Variants in ZMAT4 observed in about 807,000 individuals in gnomAD.
ZMAT4 encodes zinc finger matrin-type protein 4.
A neutral mutation model predicts 28.7 loss-of-function variants in ZMAT4; 17 were observed. That is an observed-to-expected ratio of 0.59 (90% CI 0.41 to 0.89). The LOEUF (loss-of-function observed/expected upper bound fraction) is 0.89, where lower values mean the gene tolerates loss of function less well. Among genes scored for constraint, ZMAT4 ranks in the 40% least tolerant of loss-of-function variants. The pLI, the probability that ZMAT4 is intolerant of heterozygous loss-of-function variation, is 0.00. For synonymous variants in ZMAT4, 117 were observed against 109.2 expected (o/e 1.07, Z -0.44); for missense variants, 240 against 283.8 (o/e 0.85, Z 1.11).
At chr8:40,795,386 C>A (rs1176031184) in intron 2 of ZMAT4, among the ~76,000 whole-genome samples, 1 of 152,188 alleles carries the variant, frequency 6.6e-6, no homozygotes, top group East Asian at 1.9e-4. Context: ...AAAAGCTGTA[C>A]TGGATCCTTA....
intron 2 of ZMAT4, among the ~76,000 whole-genome samples, chr8:40,801,314 A>G (rs1390852305): frequency 7.0e-6 from 1 of 143,830 alleles, no homozygotes; most frequent in African/African-American, 2.7e-5. Flanking sequence ...CCAATTCTCT[A>G]TGGTGTCTTT....
At chr8:40,845,832 G>C (rs1816872621) in intron 1 of ZMAT4, among the ~76,000 whole-genome samples, 2 of 148,314 alleles carry the variant, frequency 1.3e-5, no homozygotes, top group African/African-American at 4.9e-5. Context: ...GGCAGGGAGG[G>C]TGAAAAATGT....
In ZMAT4 at chr8:40,887,200, G is replaced by A. The variant is rs28520889; in HGVS notation, c.-5+10483C>T. Among the ~76,000 whole-genome samples the A allele has an allele frequency of 0.015, 2,306 of 148,784 alleles. 89 individuals carry two copies. In the East Asian group the frequency reaches 0.16, roughly 10 times the overall value. Reference sequence around the variant, plus strand: ...AAAAAAAAAAAAAAAGCCGGTTTTGGCCAGGCACGGTGGCTCACGCCTGTA... The same window carrying A: ...AAAAAAAAAAAAAAAGCCGGTTTTGACCAGGCACGGTGGCTCACGCCTGTA... On this transcript the variant is annotated intron_variant, in intron 1 of 6. Coordinates refer to ENST00000297737, the MANE Select transcript of ZMAT4 (RefSeq NM_024645.3).
intron 4 of ZMAT4, among the ~76,000 whole-genome samples, chr8:40,682,692 T>C (rs1011252603): frequency 1.4e-4 from 21 of 152,240 alleles, no homozygotes; most frequent in African/African-American, 4.8e-4. Flanking sequence ...AATTCAATTA[T>C]GCATCAACCT....
At chr8:40,645,713 A>C (rs1396068124) in intron 5 of ZMAT4, among the ~76,000 whole-genome samples, 2 of 152,140 alleles carry the variant, frequency 1.3e-5, no homozygotes, top group Non-Finnish European at 1.5e-5. Context: ...TCATACAGAG[A>C]GGTGAGCTAA....
chr8:40,860,559 T>A (rs1307251204), intron 1 of ZMAT4, among the ~76,000 whole-genome samples: 1 of 152,200 alleles, frequency 6.6e-6, no homozygotes, highest in African/African-American at 2.4e-5. Flanking sequence ...AGGGTGAGAA[T>A]AGCACCCAGC....
chr8:40,649,679 A>G (rs1426803130), intron 5 of ZMAT4, among the ~76,000 whole-genome samples: 1 of 152,018 alleles, frequency 6.6e-6, no homozygotes, highest in Non-Finnish European at 1.5e-5. Flanking sequence ...TTGGAAGTAA[A>G]GCTCTCCTCA....
intron 1 of ZMAT4, among the ~76,000 whole-genome samples, chr8:40,883,759 G>C (rs573249550): frequency 6.6e-6 from 1 of 152,268 alleles, no homozygotes; most frequent in African/African-American, 2.4e-5. Flanking sequence ...ATTGCCACCT[G>C]TCTGACTTCT....
intron 5 of ZMAT4, among the ~76,000 whole-genome samples, chr8:40,627,311 A>G (rs1023305769): frequency 6.6e-6 from 1 of 152,218 alleles, no homozygotes; most frequent in Admixed American, 6.5e-5. Context: ...AGAACCAAAT[A>G]TATCTGTAGC....
chr8:40,669,180 C>A lies in ZMAT4; in HGVS notation c.577+5524G>T, dbSNP rs144977325. ...CTTGATGGAAGTGAGTGCATCTGAG[C>A]CAGTGCCAGATGACGAGGAAGAAGA... On this transcript the variant is annotated intron_variant, in intron 5 of 6. Coordinates refer to ENST00000297737, the MANE Select transcript of ZMAT4 (RefSeq NM_024645.3). Among the ~76,000 whole-genome samples the A allele has an allele frequency of 5.4e-3, 817 of 152,186 alleles. 7 individuals carry two copies. The highest frequency in any genetic ancestry group is 0.019 in the African/African-American group (786 of 41,534).
intron 1 of ZMAT4, among the ~76,000 whole-genome samples, chr8:40,877,746 G>A (rs1375598979): frequency 6.6e-6 from 1 of 152,186 alleles, no homozygotes; most frequent in East Asian, 1.9e-4. Flanking sequence ...GACAGAGAAA[G>A]ACGGAGAGAG....
chr8:40,815,185 G>T (rs1028728142), intron 2 of ZMAT4, among the ~76,000 whole-genome samples: 1 of 152,190 alleles, frequency 6.6e-6, no homozygotes, highest in African/African-American at 2.4e-5. Context: ...TGATGCAGGA[G>T]AATCTCTTGA....
intron 5 of ZMAT4, among the ~76,000 whole-genome samples, chr8:40,628,203 CA>C (rs942297892): frequency 1.3e-5 from 2 of 151,786 alleles, no homozygotes; most frequent in African/African-American, 4.8e-5. Context: ...CCCAAGGGTA[CA>C]AAGAAGAGAT....
chr8:40,656,623 A>C (rs529229869), intron 5 of ZMAT4, among the ~76,000 whole-genome samples: 1 of 152,320 alleles, frequency 6.6e-6, no homozygotes, highest in East Asian at 1.9e-4. Context: ...GTACTGATAC[A>C]TGCTACAAAA....
At chr8:40,823,096 T>C (rs1041012265) in intron 2 of ZMAT4, among the ~76,000 whole-genome samples, 3 of 152,134 alleles carry the variant, frequency 2.0e-5, no homozygotes, top group Non-Finnish European at 4.4e-5. Flanking sequence ...AGTCAGGCAG[T>C]GTGGGGCAGG....
At chr8:40,640,462 C>T (rs1479911564) in intron 5 of ZMAT4, among the ~76,000 whole-genome samples, 1 of 152,138 alleles carries the variant, frequency 6.6e-6, no homozygotes, top group Non-Finnish European at 1.5e-5. Flanking sequence ...GCATTGTTCT[C>T]ATCACAAATG....
intron 1 of ZMAT4, among the ~76,000 whole-genome samples, chr8:40,849,233 C>T (rs1452864278): frequency 6.6e-6 from 1 of 152,252 alleles, no homozygotes; most frequent in East Asian, 1.9e-4. Flanking sequence ...TCTGCACTGG[C>T]CTCAGGCCAC....
chr8:40,806,941 C>T (rs1024532275), intron 2 of ZMAT4, among the ~76,000 whole-genome samples: 1 of 151,854 alleles, frequency 6.6e-6, no homozygotes. Context: ...AGAAAACGCT[C>T]AGAAATAGCT....
In ZMAT4 at chr8:40,568,692, C is replaced by G. The variant is rs141782107; in HGVS notation, c.674+12473G>C. On this transcript the variant is annotated intron_variant, in intron 6 of 6. Transcript: ENST00000297737. Reference sequence around the variant, plus strand: ...GGGTAGGTACTTTTTATAACTATTACATTTCACAGATATGGAAACTAAGCC... The same window carrying G: ...GGGTAGGTACTTTTTATAACTATTAGATTTCACAGATATGGAAACTAAGCC... 3.9e-3 allele frequency among the ~76,000 whole-genome samples: 594 copies of G among 152,230 alleles called. 4 individuals are homozygous for G. The highest frequency in any genetic ancestry group is 0.014 in the African/African-American group (573 of 41,546).
Sources: gnomAD v4.1 joint callset for allele counts (sites outside exome capture counted in the v4.1 genomes callset) on GRCh38, gnomAD v4.1.1 for gene constraint, MANE v1.5 for transcripts, NCBI Gene and HGNC (gene_info 2026-07-23, HGNC 2026-07-21) for gene names.